OPRPN: variants seen among roughly 807,000 people sequenced by gnomAD.
OPRPN encodes the protein opiorphin prepropeptide.
In OPRPN, 1 loss-of-function variant was observed where a neutral mutation model predicts 2.2. The observed-to-expected ratio is 0.45, with a 90% CI of 0.16 to 2.15. The LOEUF is 2.15. OPRPN is among the 30% of genes most tolerant of loss of function. The probability of loss-of-function intolerance (pLI) is 0.28; values close to 1 mark genes in which losing one functional copy is unlikely to be tolerated. For missense variants in OPRPN, 306 were observed against 297.3 expected (o/e 1.03, Z -0.21); for synonymous variants, 126 against 111.5 (o/e 1.13, Z -0.82).
intron 2 of OPRPN, among the ~76,000 whole-genome samples, chr4:70,402,275 G>A (rs1202663360): frequency 6.6e-6 from 1 of 152,076 alleles, no homozygotes; most frequent in Non-Finnish European, 1.5e-5. Context: ...TGATACTGGT[G>A]CTGATCTGTT....
chr4:70,401,623 G>C (rs1200588435), intron 2 of OPRPN, among the ~76,000 whole-genome samples: 1 of 152,060 alleles, frequency 6.6e-6, no homozygotes, highest in Admixed American at 6.6e-5. Flanking sequence ...AGTATTAGGG[G>C]AATGACACAA....
chr4:70,405,681 T>C (rs1733072732), intron 2 of OPRPN, among the ~76,000 whole-genome samples: 1 of 152,218 alleles, frequency 6.6e-6, no homozygotes, highest in African/African-American at 2.4e-5. Flanking sequence ...ATTTTTTTCC[T>C]CTTGACACCT....
intron 2 of OPRPN, among the ~76,000 whole-genome samples, chr4:70,401,083 A>G (rs1328767612): frequency 6.6e-6 from 1 of 152,066 alleles, no homozygotes; most frequent in Admixed American, 6.6e-5. Flanking sequence ...GAGGATTCAT[A>G]TGAATTAATG....
Position 70,410,008 on chromosome 4 carries a change from A to G in OPRPN, c.680A>G (p.Asn227Ser). 1 of 1,611,326 alleles carries G rather than the reference A, an allele frequency of 6.2e-7. No homozygotes were observed. Among genetic ancestry groups the G allele is most frequent in the Non-Finnish European group, 8.5e-7 (1 of 1,179,124 alleles). The change falls in exon 3 of 3, where the codon AAC becomes AGC. Residue 227 changes from asparagine (N) to serine (S), a missense_variant. By Grantham distance (46) the Asn-to-Ser change is conservative. Coordinates refer to ENST00000399575, the MANE Select transcript of OPRPN (RefSeq NM_021225.5). ...LNATVQVTTSNQTILSSPAFK... is the reference protein window; with the variant it reads ...LNATVQVTTSSQTILSSPAFK... The stretch of plus-strand genomic sequence containing the variant: ...GCCACTGTCCAAGTTACGACTTCCA[A>G]CCAAACTATATTAAGCAGCCCAGCC...
intron 2 of OPRPN, among the ~76,000 whole-genome samples, chr4:70,404,574 T>C (rs1733047070): frequency 1.3e-5 from 2 of 152,326 alleles, no homozygotes; most frequent in Admixed American, 1.3e-4. Flanking sequence ...CATCACTTCC[T>C]ACCTGTGGCA....
At chr4:70,403,916 A>C (rs541304030) in intron 2 of OPRPN, among the ~76,000 whole-genome samples, 1 of 152,230 alleles carries the variant, frequency 6.6e-6, no homozygotes, top group Non-Finnish European at 1.5e-5. Context: ...TCTACTCTAA[A>C]TCTAAATATC....
At chr4:70,399,236 T>C in intron 1 of OPRPN, 35 bp from the exon 2 acceptor site, 1 of 1,467,734 alleles carries the variant, frequency 6.8e-7, no homozygotes, top group Non-Finnish European at 9.4e-7. Flanking sequence ...TTGATCGATT[T>C]GGCTAACTGT....
intron 2 of OPRPN, among the ~76,000 whole-genome samples, chr4:70,399,866 A>C: frequency 6.6e-6 from 1 of 152,102 alleles, no homozygotes; most frequent in Middle Eastern, 3.4e-3. Flanking sequence ...TGACTAAAAT[A>C]TTCCTTTAAC....
rs1487940997 is a variant in OPRPN, at chr4:70,409,605, A to G, written c.277A>G (p.Ile93Val). The change falls in exon 3 of 3, where the codon ATT becomes GTT. Residue 93 changes from isoleucine (I) to valine (V), a missense_variant. By Grantham distance (29) the Ile-to-Val change is conservative. Coordinates refer to ENST00000399575, the MANE Select transcript of OPRPN (RefSeq NM_021225.5). Reference sequence around the variant, plus strand: ...ATCTCAACTCTTTCCATTGGAATCTATTAGACAACCTCGACTCTTTCCGGG... The same window carrying G: ...ATCTCAACTCTTTCCATTGGAATCTGTTAGACAACCTCGACTCTTTCCGGG... Reference protein sequence around the residue: ...ILSQLFPLESIRQPRLFPGYP... With the variant: ...ILSQLFPLESVRQPRLFPGYP... The G allele has an allele frequency of 3.1e-6, 5 of 1,613,804 alleles. No individual in the cohort carries two copies. Among genetic ancestry groups the G allele is most frequent in the Admixed American group, 1.7e-5 (1 of 60,006 alleles).
chr4:70,399,284 G>C lies in OPRPN; in HGVS notation c.-2G>C. On this transcript the variant is annotated 5_prime_UTR_variant, in exon 2 of 3. Transcript: ENST00000399575. ...GCCTGTTTGTAGGAGCAACTTTAAA[G>C]AATGAAATTAACTTTCTTCTTGGGC... 1.2e-6 allele frequency: 2 copies of C among 1,601,498 alleles called. No individual in the cohort carries two copies. The highest frequency in any genetic ancestry group is 2.2e-5 in the South Asian group (2 of 90,158).
At chr4:70,400,040 C>T (rs1452197870) in intron 2 of OPRPN, among the ~76,000 whole-genome samples, 1 of 151,814 alleles carries the variant, frequency 6.6e-6, no homozygotes, top group Non-Finnish European at 1.5e-5. Flanking sequence ...GTGATAAGTG[C>T]CATAGCCAAA....
At chr4:70,408,991 G>A (rs773058003) in intron 2 of OPRPN, among the ~76,000 whole-genome samples, 21 of 152,166 alleles carry the variant, frequency 1.4e-4, no homozygotes, top group Non-Finnish European at 2.6e-4. Context: ...TTAGAATGAA[G>A]TAAGAAAGAA....
intron 2 of OPRPN, 119 bp downstream of exon 2, chr4:70,399,455 A>C (rs1844635): frequency 0.46 from 360,666 of 789,324 alleles, 84,305 homozygotes; most frequent in East Asian, 0.65. Flanking sequence ...GGCTGTTGAT[A>C]ATTATGGACT....
chr4:70,409,953 G>A lies in OPRPN; in HGVS notation c.625G>A (p.Ala209Thr), dbSNP rs777093106. The A allele has an allele frequency of 2.5e-5, 40 of 1,613,852 alleles. 1 individual carries two copies. In the Admixed American group the frequency reaches 2.7e-4, roughly 11 times the overall value. The change falls in exon 3 of 3, where the codon GCC becomes ACC. Residue 209 changes from alanine (A) to threonine (T), a missense_variant. By Grantham distance (58) the Ala-to-Thr change is moderately conservative. Transcript: ENST00000399575. ...ASTENTTQIL[A>T]NRPHTVLLNA... ...TACTGAAAATACTACTCAAATTCTCGCCAACCGTCCTCACACAGTATTGCT... is the reference window on the plus strand; with the variant it reads ...TACTGAAAATACTACTCAAATTCTCACCAACCGTCCTCACACAGTATTGCT...
chr4:70,399,212 T>C (rs1438668790), intron 1 of OPRPN, 59 bp from the exon 2 acceptor site: 1 of 1,286,532 alleles, frequency 7.8e-7, no homozygotes, highest in Non-Finnish European at 1.1e-6. Flanking sequence ...AAAAATTTTT[T>C]CTGAAAAACA....
intron 2 of OPRPN, among the ~76,000 whole-genome samples, chr4:70,403,694 G>A (rs1733028238): frequency 6.6e-6 from 1 of 151,890 alleles, no homozygotes; most frequent in South Asian, 2.1e-4. Flanking sequence ...TAACAGAGAG[G>A]TTACATAACT....
Position 70,409,960 on chromosome 4 carries a change from G to T in OPRPN, c.632G>T (p.Arg211Leu), listed in dbSNP as rs369329579. ...TENTTQILAN[R>L]PHTVLLNATV... Reference sequence around the variant, plus strand: ...AATACTACTCAAATTCTCGCCAACCGTCCTCACACAGTATTGCTCAATGCC... The same window carrying T: ...AATACTACTCAAATTCTCGCCAACCTTCCTCACACAGTATTGCTCAATGCC... The change falls in exon 3 of 3, where the codon CGT becomes CTT. Residue 211 changes from arginine (R) to leucine (L), a missense_variant. Arg to Leu is a moderately radical substitution (Grantham distance 102). Transcript: ENST00000399575. The T allele has an allele frequency of 6.2e-7, 1 of 1,613,788 alleles. No individual in the cohort carries two copies. Among genetic ancestry groups the T allele is most frequent in the Non-Finnish European group, 8.5e-7 (1 of 1,179,754 alleles).
Position 70,397,945 on chromosome 4 carries a change from T to A in OPRPN, c.-111T>A, listed in dbSNP as rs374788064. On this transcript the variant is annotated 5_prime_UTR_variant, in exon 1 of 3. Transcript: ENST00000399575. Reference sequence around the variant, plus strand: ...AAGGCTTTTCTATCAAAGTTCTTTCTCTTCTTGGACTTTTAAATTGTGGCT... The same window carrying A: ...AAGGCTTTTCTATCAAAGTTCTTTCACTTCTTGGACTTTTAAATTGTGGCT... 3.9e-5 allele frequency: 6 copies of A among 151,966 alleles called. No individual in the cohort carries two copies. The highest frequency in any genetic ancestry group is 1.4e-4 in the African/African-American group (6 of 41,394). The allele number at this position is 151,966 out of a possible 1,614,324, so 9.4% of individuals were successfully genotyped here. A position where few individuals can be genotyped will look rare whatever the true frequency, so the allele number is the denominator to read the frequency against.
intron 2 of OPRPN, among the ~76,000 whole-genome samples, chr4:70,406,418 GAA>G (rs907742318): frequency 1.9e-4 from 29 of 152,312 alleles, no homozygotes; most frequent in African/African-American, 6.0e-4. Context: ...AAAAAGTGAT[GAA>G]GTTTGCTTTT....
Sources: gnomAD v4.1 joint callset for allele counts (sites outside exome capture counted in the v4.1 genomes callset) on GRCh38, gnomAD v4.1.1 for gene constraint, MANE v1.5 for transcripts, NCBI Gene and HGNC (gene_info 2026-07-23, HGNC 2026-07-21) for gene names.